Variants in LAYN observed in about 807,000 individuals in gnomAD.
LAYN encodes the protein layilin.
A neutral mutation model predicts 43.6 loss-of-function variants in LAYN; 38 were observed. The observed-to-expected ratio is 0.87, with a 90% CI of 0.67 to 1.14. The LOEUF (loss-of-function observed/expected upper bound fraction) is 1.14, where lower values mean the gene tolerates loss of function less well. Ranked by LOEUF, LAYN falls within the 50% of genes most tolerant of loss-of-function variation. LAYN has a pLI of 0.00. For synonymous variants in LAYN, 168 were observed against 172.9 expected (o/e 0.97, Z 0.22); for missense variants, 479 against 463.8 (o/e 1.03, Z -0.30).
intron 2 of LAYN, among the ~76,000 whole-genome samples, chr11:111,545,055 A>AATATATATATATATAT (rs36063658): frequency 2.4e-5 from 2 of 82,466 alleles, no homozygotes; most frequent in African/African-American, 6.4e-5. Context: ...AAATTTAACA[A>AATATATATATATATAT]ATATATATAT....
intron 2 of LAYN, among the ~76,000 whole-genome samples, chr11:111,544,466 G>A (rs1867612281): frequency 6.6e-6 from 1 of 152,226 alleles, no homozygotes; most frequent in Non-Finnish European, 1.5e-5. Flanking sequence ...TGTTTCAACA[G>A]CATATAATGC....
At chr11:111,542,948 C>G (rs1291942566) in intron 1 of LAYN, among the ~76,000 whole-genome samples, 1 of 152,218 alleles carries the variant, frequency 6.6e-6, no homozygotes, top group Non-Finnish European at 1.5e-5. Flanking sequence ...CAAGCTAGAG[C>G]AGTGTGTACT....
chr11:111,551,333 T>A (rs183645086), intron 3 of LAYN: 67 of 456,170 alleles, frequency 1.5e-4, no homozygotes, highest in African/African-American at 1.2e-3. Context: ...ATTGGCTAAG[T>A]CCAATCAGAG....
intron 3 of LAYN, among the ~76,000 whole-genome samples, chr11:111,551,701 G>A (rs1159196604): frequency 1.3e-5 from 2 of 151,886 alleles, no homozygotes; most frequent in Non-Finnish European, 2.9e-5. Context: ...TCACCCTTTG[G>A]CTTCAGATTA....
chr11:111,545,037 C>A (rs1158193130), intron 2 of LAYN, among the ~76,000 whole-genome samples: 4 of 144,224 alleles, frequency 2.8e-5, no homozygotes, highest in Non-Finnish European at 6.0e-5. Flanking sequence ...CTACTATGTA[C>A]CCCCCCAAAA....
chr11:111,560,629 T>C lies in LAYN; in HGVS notation c.*171T>C. On this transcript the variant is annotated 3_prime_UTR_variant, in exon 7 of 7. Transcript: ENST00000375614. ...GTTGGACCCCCACGTTTTGGCTGTA[T>C]CCTTTATCCCAGCCAGTCATCCAGC... The C allele has an allele frequency of 1.4e-6, 1 of 699,886 alleles. No individual in the cohort carries two copies. The highest frequency in any genetic ancestry group is 2.3e-6 in the Non-Finnish European group (1 of 430,830). 43.4% of individuals were successfully genotyped at this position (699,886 alleles called of 1,614,324 possible). A position where few individuals can be genotyped will look rare whatever the true frequency, so the allele number is the denominator to read the frequency against.
In LAYN at chr11:111,544,069, G is replaced by T; in HGVS notation, c.232G>T (p.Glu78Ter). 1 of 1,614,172 alleles carries T rather than the reference G, an allele frequency of 6.2e-7. No homozygotes were observed. The highest frequency in any genetic ancestry group is 8.5e-7 in the Non-Finnish European group (1 of 1,180,050). The change falls in exon 2 of 7, where the codon GAA (glutamate) becomes TAA (stop). Residue 78 changes from glutamate (E) to a stop codon, truncating the protein, a stop_gained. Coordinates refer to ENST00000375614, the MANE Select transcript of LAYN (RefSeq NM_178834.5). LOFTEE classifies it high-confidence loss of function. Reference protein sequence around the residue: ...GQLVSIESEDEQKLIEKFIEN... With the variant: ...GQLVSIESED ...GCTAGTCAGCATCGAGTCTGAAGAT[G>T]AACAGAAACTGATAGAAAAGTTCAT...
chr11:111,548,637 T>C (rs1010980191), intron 2 of LAYN, among the ~76,000 whole-genome samples: 2 of 152,216 alleles, frequency 1.3e-5, no homozygotes, highest in African/African-American at 4.8e-5. Context: ...ATACAGGACT[T>C]AAGCAGAGCC....
intron 2 of LAYN, among the ~76,000 whole-genome samples, chr11:111,546,320 T>G (rs1451881087): frequency 6.6e-6 from 1 of 152,224 alleles, no homozygotes; most frequent in Non-Finnish European, 1.5e-5. Context: ...CTGGGCATGC[T>G]ATTTACCTTA....
At chr11:111,549,405 G>A (rs532982403) in intron 2 of LAYN, among the ~76,000 whole-genome samples, 1 of 152,346 alleles carries the variant, frequency 6.6e-6, no homozygotes, top group Middle Eastern at 3.4e-3. Flanking sequence ...CAAAGAGATT[G>A]TGGCAAATGT....
intron 1 of LAYN, chr11:111,541,529 C>G (rs892693254): frequency 3.3e-5 from 51 of 1,535,348 alleles, no homozygotes; most frequent in Non-Finnish European, 4.3e-5. Flanking sequence ...GGGAATGACT[C>G]TCTGCTTCCT....
upstream of LAYN, chr11:111,540,688 C>A (rs1024218678): frequency 7.6e-6 from 5 of 658,284 alleles, no homozygotes; most frequent in Non-Finnish European, 1.2e-5. Flanking sequence ...GAGGGGCGAC[C>A]GACTGACTCC....
At chr11:111,557,913 C>T (rs1867874951) in intron 6 of LAYN, among the ~76,000 whole-genome samples, 1 of 152,152 alleles carries the variant, frequency 6.6e-6, no homozygotes, top group African/African-American at 2.4e-5. Context: ...ATTCACCTCC[C>T]GTGCACTCAC....
chr11:111,541,388 C>A (rs1368495138), intron 1 of LAYN: 1 of 651,822 alleles, frequency 1.5e-6, no homozygotes, highest in Admixed American at 2.3e-5. Context: ...TCCCCGGTGC[C>A]GTGGGAACCC....
intron 2 of LAYN, 92 bp from the exon 3 acceptor site, chr11:111,549,526 A>G (rs1867702623): frequency 2.7e-6 from 3 of 1,091,672 alleles, no homozygotes; most frequent in South Asian, 3.8e-5. Flanking sequence ...TCTTATGTTT[A>G]TGGCTCAGTG....
At chr11:111,543,222 C>T (rs913158910) in intron 1 of LAYN, among the ~76,000 whole-genome samples, 1 of 152,198 alleles carries the variant, frequency 6.6e-6, no homozygotes, top group Admixed American at 6.5e-5. Context: ...CCAGTTTTCT[C>T]ATTTGTAAAA....
chr11:111,541,384 G>GA (rs1867535198), intron 1 of LAYN: 2 of 644,836 alleles, frequency 3.1e-6, no homozygotes, highest in South Asian at 3.6e-5. Context: ...TGGATCCCCG[G>GA]TGCCGTGGGA....
intron 1 of LAYN, among the ~76,000 whole-genome samples, chr11:111,543,064 A>C (rs1309620495): frequency 1.3e-5 from 2 of 152,206 alleles, no homozygotes; most frequent in African/African-American, 2.4e-5. Context: ...ATAGGCTCCC[A>C]GTAAAACATG....
intron 1 of LAYN, chr11:111,541,707 A>G: frequency 1.2e-6 from 1 of 826,788 alleles, no homozygotes; most frequent in South Asian, 1.4e-5. Context: ...GACAGAGGAG[A>G]CTGGGAACCT....
Sources: gnomAD v4.1 joint callset for allele counts (sites outside exome capture counted in the v4.1 genomes callset) on GRCh38, gnomAD v4.1.1 for gene constraint, MANE v1.5 for transcripts, NCBI Gene and HGNC (gene_info 2026-07-23, HGNC 2026-07-21) for gene names.